Variants in ULK2 observed in about 807,000 individuals in gnomAD.
ULK2 encodes serine/threonine-protein kinase ULK2.
In ULK2, 76 loss-of-function variants were observed where a neutral mutation model predicts 127.5. That is an observed-to-expected ratio of 0.60 (90% CI 0.50 to 0.72). The LOEUF (loss-of-function observed/expected upper bound fraction) is 0.72. Ranked by LOEUF, ULK2 falls within the 30% of genes least tolerant of loss-of-function variation. The pLI is 0.00. For synonymous variants in ULK2, 452 were observed against 461.9 expected (o/e 0.98, Z 0.28); for missense variants, 1,144 against 1,295.9 (o/e 0.88, Z 1.80).
At chr17:19,797,274 G>T in intron 18 of ULK2, 122 bp downstream of exon 18, 1 of 1,156,976 alleles carries the variant, frequency 8.6e-7, no homozygotes, top group Non-Finnish European at 1.2e-6. Context: ...TCCAGCCTGG[G>T]CGACAAAGCA....
At chr17:19,843,616 G>T (rs1392146176) in intron 7 of ULK2, among the ~76,000 whole-genome samples, 3 of 151,704 alleles carry the variant, frequency 2.0e-5, no homozygotes. Flanking sequence ...ATGCAATCAG[G>T]GAGAGGTACA....
rs2152379185 is a variant in ULK2 at position 19,771,105 on chromosome 17, T to A, written c.*5244A>T. 1 of 152,182 alleles carries A rather than the reference T, an allele frequency of 6.6e-6. No homozygotes were observed. The highest frequency in any genetic ancestry group is 1.5e-5 in the Non-Finnish European group (1 of 68,018). 9.4% of individuals were successfully genotyped at this position (152,182 alleles called of 1,614,324 possible). A position where few individuals can be genotyped will look rare whatever the true frequency, so the allele number is the denominator to read the frequency against. ...AAGAATGCATTAGAAACTCAAGGAGTGAGCATTTGGGCTTCCTAAGGGTGA... is the reference window on the plus strand; with the variant it reads ...AAGAATGCATTAGAAACTCAAGGAGAGAGCATTTGGGCTTCCTAAGGGTGA... On this transcript the variant is annotated 3_prime_UTR_variant, in exon 27 of 27. Coordinates refer to ENST00000395544, the MANE Select transcript of ULK2 (RefSeq NM_014683.4).
chr17:19,799,647 G>A, intron 16 of ULK2, 72 bp from the exon 17 acceptor site: 1 of 1,394,814 alleles, frequency 7.2e-7, no homozygotes, highest in Non-Finnish European at 9.5e-7. Flanking sequence ...GATGGCAACA[G>A]GCAACACATG....
At chr17:19,846,201 G>A (rs1439650687) in intron 6 of ULK2, among the ~76,000 whole-genome samples, 1 of 152,128 alleles carries the variant, frequency 6.6e-6, no homozygotes, top group Non-Finnish European at 1.5e-5. Context: ...TTCCTCTCGA[G>A]AGACGCAGGT....
intron 22 of ULK2, 104 bp from the exon 23 acceptor site, chr17:19,782,171 G>A: frequency 8.5e-7 from 1 of 1,182,364 alleles, no homozygotes; most frequent in Non-Finnish European, 1.2e-6. Context: ...CTATACTTAT[G>A]AGTATCAGAA....
intron 20 of ULK2, among the ~76,000 whole-genome samples, chr17:19,789,861 A>G (rs2087113260): frequency 6.6e-6 from 1 of 151,806 alleles, no homozygotes; most frequent in Non-Finnish European, 1.5e-5. Context: ...GAAACAGAAG[A>G]AAAAAATGAA....
intron 19 of ULK2, 149 bp downstream of exon 19, chr17:19,795,946 G>A: frequency 1.7e-6 from 2 of 1,193,148 alleles, no homozygotes; most frequent in Non-Finnish European, 2.3e-6. Flanking sequence ...GTGGTTTTCA[G>A]AGATTCTAAA....
chr17:19,813,075 T>C (rs1273384163), intron 13 of ULK2, among the ~76,000 whole-genome samples: 5 of 152,138 alleles, frequency 3.3e-5, no homozygotes, highest in Non-Finnish European at 7.3e-5. Context: ...GAGAACTCCA[T>C]ACTTCTTCCC....
intron 14 of ULK2, among the ~76,000 whole-genome samples, chr17:19,805,912 C>T (rs1013558062): frequency 1.3e-5 from 2 of 152,086 alleles, no homozygotes; most frequent in African/African-American, 2.4e-5. Context: ...TGGTTTACAG[C>T]CAAGTGGAAT....
chr17:19,813,976 A>C (rs2040904058), intron 13 of ULK2, among the ~76,000 whole-genome samples: 1 of 152,176 alleles, frequency 6.6e-6, no homozygotes, highest in African/African-American at 2.4e-5. Context: ...GAAAGGGCCA[A>C]GAATAGCCAG....
Position 19,785,923 on chromosome 17 carries a change from C to A in ULK2, c.2251+14G>T, listed in dbSNP as rs116445793. The A allele has an allele frequency of 1.6e-3, 2,533 of 1,593,536 alleles. 34 individuals are homozygous for A. The African/African-American group carries it at 0.024, about 15-fold the overall frequency. On this transcript the variant is annotated intron_variant, in intron 21 of 26. Coordinates refer to ENST00000395544, the MANE Select transcript of ULK2 (RefSeq NM_014683.4). ...ATACTAGCCAAAGACTGTAATATAA[C>A]AAATGCTCCTTACCTGAGGTTGTTC...
intron 1 of ULK2, 31 bp downstream of exon 1, chr17:19,867,297 G>A: frequency 6.6e-7 from 1 of 1,518,794 alleles, no homozygotes; most frequent in East Asian, 2.5e-5. Flanking sequence ...CCTGCCGCCC[G>A]GGGCCCGGCC....
At chr17:19,837,076 G>T (rs189492661) in intron 10 of ULK2, among the ~76,000 whole-genome samples, 59 of 151,586 alleles carry the variant, frequency 3.9e-4, no homozygotes, top group African/African-American at 1.3e-3. Context: ...GGGTAACAGA[G>T]TGAGGCCTTT....
Position 19,816,748 on chromosome 17 carries a change from C to A in ULK2, c.1096+1G>T, listed in dbSNP as rs1567698347. 1 of 1,568,408 alleles carries A rather than the reference C, an allele frequency of 6.4e-7. No homozygotes were observed. The highest frequency in any genetic ancestry group is 8.6e-7 in the Non-Finnish European group (1 of 1,164,154). On this transcript the variant is annotated splice_donor_variant, in intron 13 of 26. Transcript: ENST00000395544. LOFTEE classifies it high-confidence loss of function. ...TGTGTACAAGTAGAAAAGATTCTCA[C>A]ATGAGTGGTCTGACGAGATGTTGTG... is the stretch of plus-strand genomic sequence containing the variant.
At chr17:19,821,500 G>A (rs1567701636) in intron 12 of ULK2, among the ~76,000 whole-genome samples, 1 of 152,014 alleles carries the variant, frequency 6.6e-6, no homozygotes. Context: ...AAACGACAAC[G>A]TTATATCACA....
In ULK2 at chr17:19,867,882, C is replaced by T. The variant is rs2042391015; in HGVS notation, c.-465G>A. On this transcript the variant is annotated 5_prime_UTR_variant, in exon 1 of 27. Coordinates refer to ENST00000395544, the MANE Select transcript of ULK2 (RefSeq NM_014683.4). ...CGCACCGCCGCGGCCCCGCGCTTCC[C>T]CGCCTCGCGGCGGCGCCCAACGCCC... The T allele has an allele frequency of 6.6e-6, 1 of 150,942 alleles. No individual in the cohort carries two copies. Among genetic ancestry groups the T allele is most frequent in the African/African-American group, 2.4e-5 (1 of 41,278 alleles). 9.4% of individuals were successfully genotyped at this position (150,942 alleles called of 1,614,324 possible). A position where few individuals can be genotyped will look rare whatever the true frequency, so the allele number is the denominator to read the frequency against.
chr17:19,851,123 G>T (rs1201397426), intron 3 of ULK2, among the ~76,000 whole-genome samples: 1 of 148,792 alleles, frequency 6.7e-6, no homozygotes, highest in African/African-American at 2.5e-5. Context: ...GACCAGCTTG[G>T]CCAACATGGT....
Position 19,787,875 on chromosome 17 carries a change from G to A in ULK2, c.2102-1789C>T, listed in dbSNP as rs183702924. ...CTCCGCCCCTCCCCTGGCAGCAGCT[G>A]TGTGTGGCAAGGAAATAATCTGTGT... On this transcript the variant is annotated intron_variant, in intron 20 of 26. Coordinates refer to ENST00000395544, the MANE Select transcript of ULK2 (RefSeq NM_014683.4). Among the ~76,000 whole-genome samples the A allele has an allele frequency of 2.0e-5, 3 of 152,326 alleles. No individual in the cohort carries two copies. In the East Asian group the frequency reaches 5.8e-4, roughly 29 times the overall value.
At chr17:19,795,402 C>T (rs556268342) in intron 20 of ULK2, among the ~76,000 whole-genome samples, 16 of 131,018 alleles carry the variant, frequency 1.2e-4, no homozygotes, top group Non-Finnish European at 1.7e-4. Flanking sequence ...CCATTAGTAA[C>T]GCACAGGCTG....
Sources: gnomAD v4.1 joint callset for allele counts (sites outside exome capture counted in the v4.1 genomes callset) on GRCh38, gnomAD v4.1.1 for gene constraint, MANE v1.5 for transcripts, NCBI Gene and HGNC (gene_info 2026-07-23, HGNC 2026-07-21) for gene names.